RIC3: variants seen among roughly 807,000 people sequenced by gnomAD.
RIC3 encodes the protein RIC3 acetylcholine receptor chaperone.
Under a neutral mutation model 27.3 loss-of-function variants are expected in RIC3, and 28 were observed. The ratio of observed to expected loss-of-function variants is 1.02; its 90% CI spans 0.76 to 1.41. RIC3 has a LOEUF of 1.41. RIC3 is among the 40% of genes most tolerant of loss of function. The probability of loss-of-function intolerance (pLI) is 0.00; values close to 1 mark genes in which losing one functional copy is unlikely to be tolerated. For synonymous variants in RIC3, 184 were observed against 160.4 expected (o/e 1.15, Z -1.11); for missense variants, 501 against 444.7 (o/e 1.13, Z -1.14).
intron 3 of RIC3, 61 bp from the exon 4 acceptor site, chr11:8,137,532 A>C: frequency 7.3e-7 from 1 of 1,374,810 alleles, no homozygotes; most frequent in Non-Finnish European, 1.0e-6. Context: ...TGTTAAAGAG[A>C]CCACAAATTT....
chr11:8,098,765 T>C, the RIC3 span: 240 of 1,613,848 alleles, frequency 1.5e-4, 1 homozygote, highest in African/African-American at 2.3e-3. Flanking sequence ...CAGGTCCAAC[T>C]TGATGGGCAC....
intron 4 of RIC3, among the ~76,000 whole-genome samples, chr11:8,131,456 T>A (rs1250573042): frequency 6.6e-6 from 1 of 152,180 alleles, no homozygotes; most frequent in African/African-American, 2.4e-5. Flanking sequence ...TGGACATTCA[T>A]TCATTCAACA....
At chr11:8,165,096 G>A (rs1951560500) in intron 1 of RIC3, among the ~76,000 whole-genome samples, 1 of 152,182 alleles carries the variant, frequency 6.6e-6, no homozygotes, top group Admixed American at 6.5e-5. Context: ...TGGTCTGGCA[G>A]TTCCTCAAAA....
intron 4 of RIC3, among the ~76,000 whole-genome samples, chr11:8,130,833 T>C (rs1375666538): frequency 6.6e-6 from 1 of 151,350 alleles, no homozygotes; most frequent in Non-Finnish European, 1.5e-5. Context: ...AAGGTACAGG[T>C]ATTTTAGAGG....
downstream of RIC3, chr11:8,103,782 A>G (rs1178792371): frequency 6.6e-6 from 1 of 152,636 alleles, no homozygotes; most frequent in South Asian, 2.1e-4. Flanking sequence ...AGGTCAAGCT[A>G]TTTCTCTGGA....
chr11:8,164,638 T>G (rs1411252627), intron 1 of RIC3, among the ~76,000 whole-genome samples: 1 of 151,772 alleles, frequency 6.6e-6, no homozygotes, highest in Non-Finnish European at 1.5e-5. Flanking sequence ...ATTAGCCAGC[T>G]ATGGTGGCAC....
In RIC3 at chr11:8,130,908, G is replaced by A. The variant is rs116594308; in HGVS notation, c.522-4101C>T. Among the ~76,000 whole-genome samples the A allele has an allele frequency of 2.9e-3, 445 of 152,012 alleles. 4 individuals are homozygous for A. Among genetic ancestry groups the A allele is most frequent in the African/African-American group, 0.01 (426 of 41,444 alleles). On this transcript the variant is annotated intron_variant, in intron 4 of 5. Coordinates refer to ENST00000309737, the MANE Select transcript of RIC3 (RefSeq NM_001206671.4). Reference sequence around the variant, plus strand: ...GATGAAGAAAGATAAAGCAAGAGAGGTACACAAGGCCAGGTCACTCAGGAC... The same window carrying A: ...GATGAAGAAAGATAAAGCAAGAGAGATACACAAGGCCAGGTCACTCAGGAC...
At chr11:8,131,405 T>C (rs1321126402) in intron 4 of RIC3, among the ~76,000 whole-genome samples, 1 of 152,144 alleles carries the variant, frequency 6.6e-6, no homozygotes, top group Admixed American at 6.5e-5. Flanking sequence ...AAATTAAAGG[T>C]AGAATAGGTT....
intron 1 of RIC3, among the ~76,000 whole-genome samples, chr11:8,145,715 A>G (rs1162680816): frequency 6.6e-6 from 1 of 152,164 alleles, no homozygotes; most frequent in Non-Finnish European, 1.5e-5. Context: ...AGAGCAGTCA[A>G]AAGTTAACAC....
chr11:8,128,987 C>G (rs186573763), intron 4 of RIC3, among the ~76,000 whole-genome samples: 1,749 of 152,086 alleles, frequency 0.012, 15 homozygotes, highest in Non-Finnish European at 0.018. Flanking sequence ...ATCTCCTGAC[C>G]TCGTGATCCG....
At position 8,140,078 on chromosome 11, in the gene RIC3, T is replaced by G; in HGVS notation, c.240A>C (p.Lys80Asn). The G allele has an allele frequency of 6.2e-7, 1 of 1,614,116 alleles. No homozygotes were observed. Among genetic ancestry groups the G allele is most frequent in the Non-Finnish European group, 8.5e-7 (1 of 1,180,030 alleles). Residue 80 changes from lysine to asparagine, a missense_variant, in exon 2 of 6, where the codon AAA (lysine) becomes AAC (asparagine). By Grantham distance (94) the Lys-to-Asn change is moderately conservative. Coordinates refer to ENST00000309737, the MANE Select transcript of RIC3 (RefSeq NM_001206671.4). ...CTCCTCCAGCACCTCCACCTGATCCTTTGGCCTTTGCAAATGCCTCGGCAA... is the reference window on the plus strand; with the variant it reads ...CTCCTCCAGCACCTCCACCTGATCCGTTGGCCTTTGCAAATGCCTCGGCAA... Reference protein sequence around the residue: ...SHLAEAFAKAKGSGGGAGGGG... With the variant: ...SHLAEAFAKANGSGGGAGGGG...
At chr11:8,131,230 G>A (rs1377983757) in intron 4 of RIC3, among the ~76,000 whole-genome samples, 1 of 152,084 alleles carries the variant, frequency 6.6e-6, no homozygotes, top group Non-Finnish European at 1.5e-5. Context: ...CTGACCTCAC[G>A]GAGCCTACAG....
At chr11:8,146,934 A>G (rs1590296064) in intron 1 of RIC3, among the ~76,000 whole-genome samples, 1 of 152,200 alleles carries the variant, frequency 6.6e-6, no homozygotes. Flanking sequence ...AGTAGATTGT[A>G]AAATGTTTCT....
At chr11:8,120,707 AT>A (rs1946342864) in intron 5 of RIC3, among the ~76,000 whole-genome samples, 1 of 151,776 alleles carries the variant, frequency 6.6e-6, no homozygotes, top group African/African-American at 2.4e-5. Flanking sequence ...CCCAAATATA[AT>A]TTAAAAAAAA....
intron 1 of RIC3, among the ~76,000 whole-genome samples, chr11:8,152,905 T>TA (rs1407084596): frequency 1.3e-5 from 2 of 152,104 alleles, no homozygotes; most frequent in Admixed American, 6.5e-5. Context: ...CTCTGACTGA[T>TA]AGGACTGTCT....
At chr11:8,127,669 T>C (rs1947150980) in intron 4 of RIC3, among the ~76,000 whole-genome samples, 1 of 150,304 alleles carries the variant, frequency 6.7e-6, no homozygotes, top group African/African-American at 2.4e-5. Context: ...GATAACTATC[T>C]GCTTTGAGAC....
intron 2 of RIC3, 165 bp downstream of exon 2, chr11:8,139,802 G>C: frequency 3.1e-6 from 2 of 655,416 alleles, no homozygotes; most frequent in East Asian, 2.8e-5. Flanking sequence ...ATGTGAAACT[G>C]AAATAATGGC....
chr11:8,098,550 G>A, the RIC3 span, among the ~76,000 whole-genome samples: 2 of 152,176 alleles, frequency 1.3e-5, no homozygotes, highest in African/African-American at 2.4e-5. Flanking sequence ...GAACTGAAAT[G>A]CACTTTGAGT....
At chr11:8,153,560 C>G in intron 1 of RIC3, 1 of 315,086 alleles carries the variant, frequency 3.2e-6, no homozygotes, top group Non-Finnish European at 6.1e-6. Context: ...GTCCTTCAAC[C>G]TATTCCTTCT....
Sources: allele counts gnomAD v4.1 joint callset (sites outside exome capture counted in the v4.1 genomes callset), GRCh38; gene constraint gnomAD v4.1.1; transcripts MANE v1.5; gene names NCBI Gene and HGNC (gene_info 2026-07-23, HGNC 2026-07-21).